GPR151: variants seen among roughly 807,000 people sequenced by gnomAD.
GPR151 encodes G protein-coupled receptor 151, also known as G-protein coupled receptor PGR7.
Under a neutral mutation model 18.2 loss-of-function variants are expected in GPR151, and 16 were observed. The ratio of observed to expected loss-of-function variants is 0.88; its 90% CI spans 0.60 to 1.34. GPR151 has a LOEUF of 1.34. Ranked by LOEUF, GPR151 falls within the 40% of genes most tolerant of loss-of-function variation. GPR151 has a pLI of 0.00. For synonymous variants in GPR151, 202 were observed against 191.2 expected (o/e 1.06, Z -0.47); for missense variants, 509 against 504.3 (o/e 1.01, Z -0.09).
In GPR151 at chr5:146,516,047, A is replaced by C. The variant is rs1554105639; in HGVS notation, c.67T>G (p.Phe23Val). ...TCAGAGGGCAGGTACCCTCCGGCAA[A>C]GTGGAGGTGAGCAAAGGACACATTC... ...SMNVSFAHLH[F>V]AGGYLPSDSQ... Residue 23 changes from phenylalanine to valine, a missense_variant, in exon 1 of 1, where the codon TTT (phenylalanine) becomes GTT (valine). Transcript: ENST00000311104. 1 of 1,614,056 alleles carries C rather than the reference A, an allele frequency of 6.2e-7. No individual in the cohort carries two copies. The highest frequency in any genetic ancestry group is 8.5e-7 in the Non-Finnish European group (1 of 1,180,012).
Position 146,515,782 on chromosome 5 carries a change from C to G in GPR151, c.332G>C (p.Cys111Ser), listed in dbSNP as rs142529792. 8 of 1,614,076 alleles carry G rather than the reference C, an allele frequency of 5.0e-6. No individual in the cohort carries two copies. The highest frequency in any genetic ancestry group is 2.7e-5 in the African/African-American group (2 of 74,928). ...GTGGATAAACCAGTCAGAGGACTTG[C>G]AGACAAACCAGCCTAGATCCCAAAC... is the stretch of plus-strand genomic sequence containing the variant. Reference protein sequence around the residue: ...KSVWDLGWFVCKSSDWFIHTC... With the variant: ...KSVWDLGWFVSKSSDWFIHTC... Residue 111 changes from cysteine (C) to serine (S), a missense_variant, in exon 1 of 1, where the codon TGC (cysteine) becomes TCC (serine). Cys to Ser is a moderately radical substitution (Grantham distance 112). Transcript: ENST00000311104.
Position 146,514,848 on chromosome 5 carries a change from T to G in GPR151, c.*6A>C. The G allele has an allele frequency of 2.6e-6, 4 of 1,554,928 alleles. No individual in the cohort carries two copies. Among genetic ancestry groups the G allele is most frequent in the Non-Finnish European group, 3.5e-6 (4 of 1,150,414 alleles). On this transcript the variant is annotated 3_prime_UTR_variant, in exon 1 of 1. Coordinates refer to ENST00000311104, the MANE Select transcript of GPR151 (RefSeq NM_194251.3). ...ATCACAGTTTGTTTTGCTTTGAAACTTAAATCTATTTAACACCTTCCCCTG... is the reference window on the plus strand; with the variant it reads ...ATCACAGTTTGTTTTGCTTTGAAACGTAAATCTATTTAACACCTTCCCCTG...
Position 146,515,259 on chromosome 5 carries a change from T to G in GPR151, c.855A>C (p.Gln285His). 1.9e-6 allele frequency: 3 copies of G among 1,614,190 alleles called. No homozygotes were observed. The highest frequency in any genetic ancestry group is 2.5e-6 in the Non-Finnish European group (3 of 1,180,030). Residue 285 changes from glutamine to histidine, a missense_variant, in exon 1 of 1, where the codon CAA becomes CAC. Gln to His is a conservative substitution (Grantham distance 24). Transcript: ENST00000311104. Reference sequence around the variant, plus strand: ...AGACTTGAGACAGGGCTATGAAACCTTGTGGTGGGGCCGGGCCTGCAGCCT... The same window carrying G: ...AGACTTGAGACAGGGCTATGAAACCGTGTGGTGGGGCCGGGCCTGCAGCCT... ...HLKAAGPAPP[Q>H]GFIALSQVLM...
In GPR151 at chr5:146,515,274, G is replaced by T. The variant is rs1489492668; in HGVS notation, c.840C>A (p.Gly280=). The stretch of plus-strand genomic sequence containing the variant: ...CTATGAAACCTTGTGGTGGGGCCGG[G>T]CCTGCAGCCTTCAGATGCCATACCC... The part of the protein sequence containing the change: ...WLWVWHLKAA[G]PAPPQGFIAL... Residue 280 remains glycine, a synonymous_variant, in exon 1 of 1, where the codon GGC becomes GGA. Coordinates refer to ENST00000311104, the MANE Select transcript of GPR151 (RefSeq NM_194251.3). 9 of 1,614,204 alleles carry T rather than the reference G, an allele frequency of 5.6e-6. No individual in the cohort carries two copies. The highest frequency in any genetic ancestry group is 7.6e-6 in the Non-Finnish European group (9 of 1,180,032).
chr5:146,515,765 A>C lies in GPR151; in HGVS notation c.349T>G (p.Phe117Val). Residue 117 changes from phenylalanine (F) to valine (V), a missense_variant, in exon 1 of 1, where the codon TTT becomes GTT. Physicochemically the swap from Phe to Val is conservative, Grantham distance 50. Transcript: ENST00000311104. ...TTGGCTGCCATGCATGTGTGGATAA[A>C]CCAGTCAGAGGACTTGCAGACAAAC... Reference protein sequence around the residue: ...GWFVCKSSDWFIHTCMAAKSL... With the variant: ...GWFVCKSSDWVIHTCMAAKSL... 2.5e-6 allele frequency: 4 copies of C among 1,614,188 alleles called. No homozygotes were observed. Among genetic ancestry groups the C allele is most frequent in the Non-Finnish European group, 3.4e-6 (4 of 1,180,024 alleles).
Position 146,516,038 on chromosome 5 carries a change from C to A in GPR151, c.76G>T (p.Gly26Trp). The A allele has an allele frequency of 1.9e-6, 3 of 1,614,084 alleles. No individual in the cohort carries two copies. The highest frequency in any genetic ancestry group is 2.5e-6 in the Non-Finnish European group (3 of 1,180,008). ...TCCTGGGAATCAGAGGGCAGGTACC[C>A]TCCGGCAAAGTGGAGGTGAGCAAAG... ...VSFAHLHFAG[G>W]YLPSDSQDWR... Residue 26 changes from glycine to tryptophan, a missense_variant, in exon 1 of 1, where the codon GGG (glycine) becomes TGG (tryptophan). Gly to Trp is a radical substitution (Grantham distance 184, BLOSUM62 -2). Coordinates refer to ENST00000311104, the MANE Select transcript of GPR151 (RefSeq NM_194251.3).
In GPR151 at chr5:146,516,045, A is replaced by C. The variant is rs144066680; in HGVS notation, c.69T>G (p.Phe23Leu). ...AATCAGAGGGCAGGTACCCTCCGGC[A>C]AAGTGGAGGTGAGCAAAGGACACAT... ...SMNVSFAHLH[F>L]AGGYLPSDSQ... Residue 23 changes from phenylalanine to leucine, a missense_variant, in exon 1 of 1, where the codon TTT (phenylalanine) becomes TTG (leucine). Coordinates refer to ENST00000311104, the MANE Select transcript of GPR151 (RefSeq NM_194251.3). The C allele has an allele frequency of 6.9e-4, 1,120 of 1,614,088 alleles. 13 individuals carry two copies. The Middle Eastern group carries it at 0.021, about 31-fold the overall frequency.
chr5:146,514,188 G>C lies in GPR151; in HGVS notation c.*666C>G, dbSNP rs1382070127. ...AGCTTTAAAAAGTTCACTGAAGCAG[G>C]CTTTAGTTTAAGTTTGAATTTATTT... On this transcript the variant is annotated 3_prime_UTR_variant, in exon 1 of 1. Coordinates refer to ENST00000311104, the MANE Select transcript of GPR151 (RefSeq NM_194251.3). The C allele has an allele frequency of 6.6e-6, 1 of 152,158 alleles. No individual in the cohort carries two copies. Among genetic ancestry groups the C allele is most frequent in the Non-Finnish European group, 1.5e-5 (1 of 68,042 alleles). The allele number at this position is 152,158 out of a possible 1,614,324, so 9.4% of individuals were successfully genotyped here.
At position 146,513,791 on chromosome 5, in the gene GPR151, TATTA is replaced by T. The variant is rs1043279567; in HGVS notation, c.*1059_*1062del. On this transcript the variant is annotated 3_prime_UTR_variant, in exon 1 of 1. Transcript: ENST00000311104. ...GGTTTGTTGAATTTTCTCTTTTTGATATTAATCTCTTTCTCAGGTTGCTAGATTA... is the reference window on the plus strand; with the variant it reads ...GGTTTGTTGAATTTTCTCTTTTTGATATCTCTTTCTCAGGTTGCTAGATTA... The T allele has an allele frequency of 6.6e-6, 1 of 152,228 alleles. No homozygotes were observed. Among genetic ancestry groups the T allele is most frequent in the Admixed American group, 6.5e-5 (1 of 15,280 alleles). The allele number at this position is 152,228 out of a possible 1,614,324, so 9.4% of individuals were successfully genotyped here.
In GPR151 at chr5:146,516,125, G is replaced by A; in HGVS notation, c.-12C>T. 6.3e-7 allele frequency: 1 copy of A among 1,590,210 alleles called. No individual in the cohort carries two copies. The highest frequency in any genetic ancestry group is 1.4e-5 in the African/African-American group (1 of 73,806). ...GCAGCTGCCAGCATCACTCTTCACAGCTTCTTACAGAAGTTAGATTCTTAT... is the reference window on the plus strand; with the variant it reads ...GCAGCTGCCAGCATCACTCTTCACAACTTCTTACAGAAGTTAGATTCTTAT... On this transcript the variant is annotated 5_prime_UTR_variant, in exon 1 of 1. Transcript: ENST00000311104.
Position 146,513,421 on chromosome 5 carries a change from A to G in GPR151, c.*1433T>C, listed in dbSNP as rs1359622882. On this transcript the variant is annotated 3_prime_UTR_variant, in exon 1 of 1. Transcript: ENST00000311104. ...GAAAAAGCAAAGAATCCGGAAACCC[A>G]TAGACAAAAAGCAAAATCTTTTTTT... The G allele has an allele frequency of 5.3e-5, 8 of 152,228 alleles. No homozygotes were observed. The highest frequency in any genetic ancestry group is 1.2e-4 in the Non-Finnish European group (8 of 68,034). 9.4% of individuals were successfully genotyped at this position (152,228 alleles called of 1,614,324 possible). A position where few individuals can be genotyped will look rare whatever the true frequency, so the allele number is the denominator to read the frequency against.
chr5:146,514,652 C>A lies in GPR151; in HGVS notation c.*202G>T. On this transcript the variant is annotated 3_prime_UTR_variant, in exon 1 of 1. Coordinates refer to ENST00000311104, the MANE Select transcript of GPR151 (RefSeq NM_194251.3). ...CACAACACTTAAATTGTTTGGGAAG[C>A]CAAGTTCTAATTCTGAAACAATTAT... The A allele has an allele frequency of 2.0e-6, 1 of 508,878 alleles. No individual in the cohort carries two copies. The allele number at this position is 508,878 out of a possible 1,614,324, so 31.5% of individuals were successfully genotyped here. A position where few individuals can be genotyped will look rare whatever the true frequency, so the allele number is the denominator to read the frequency against.
In GPR151 at chr5:146,514,776, T is replaced by G. The variant is rs1411666732; in HGVS notation, c.*78A>C. On this transcript the variant is annotated 3_prime_UTR_variant, in exon 1 of 1. Coordinates refer to ENST00000311104, the MANE Select transcript of GPR151 (RefSeq NM_194251.3). ...CCTAATGGTAATAATTATATCAGTT[T>G]GTAAAGTCAGCAATATTGATAAGCA... 3.2e-6 allele frequency: 3 copies of G among 923,334 alleles called. No individual in the cohort carries two copies. In the African/African-American group the frequency reaches 5.0e-5, roughly 15 times the overall value. The allele number at this position is 923,334 out of a possible 1,614,324, so 57.2% of individuals were successfully genotyped here.
chr5:146,516,123 C>T lies in GPR151; in HGVS notation c.-10G>A, dbSNP rs1768617952. ...AGGCAGCTGCCAGCATCACTCTTCA[C>T]AGCTTCTTACAGAAGTTAGATTCTT... On this transcript the variant is annotated 5_prime_UTR_variant, in exon 1 of 1. The change creates a new upstream start codon in the 5' untranslated region. Coordinates refer to ENST00000311104, the MANE Select transcript of GPR151 (RefSeq NM_194251.3). The T allele has an allele frequency of 1.9e-6, 3 of 1,590,386 alleles. No individual in the cohort carries two copies. The highest frequency in any genetic ancestry group is 2.6e-6 in the Non-Finnish European group (3 of 1,169,918).
rs1256802455 is a variant in GPR151, at chr5:146,514,842, T to G, written c.*12A>C. The G allele has an allele frequency of 3.2e-6, 5 of 1,544,820 alleles. No individual in the cohort carries two copies. Among genetic ancestry groups the G allele is most frequent in the African/African-American group, 1.4e-5 (1 of 72,320 alleles). On this transcript the variant is annotated 3_prime_UTR_variant, in exon 1 of 1. Transcript: ENST00000311104. Reference sequence around the variant, plus strand: ...ACAATAATCACAGTTTGTTTTGCTTTGAAACTTAAATCTATTTAACACCTT... The same window carrying G: ...ACAATAATCACAGTTTGTTTTGCTTGGAAACTTAAATCTATTTAACACCTT...
rs781718848 is a variant in GPR151 at position 146,515,114 on chromosome 5, C to CT, written c.999dup (p.Glu334ArgfsTer15). On this transcript the variant is annotated frameshift_variant, in exon 1 of 1. Coordinates refer to ENST00000311104, the MANE Select transcript of GPR151 (RefSeq NM_194251.3). LOFTEE classifies it low-confidence loss of function (END_TRUNC). Reference sequence around the variant, plus strand: ...TTGCCAGCTGGTGTTTCCTGAGACTCTGAGACAGTTGGAGGTTTTTTGGTT... The same window carrying CT: ...TTGCCAGCTGGTGTTTCCTGAGACTCTTGAGACAGTTGGAGGTTTTTTGGTT... 6.2e-7 allele frequency: 1 copy of CT among 1,614,172 alleles called. No individual in the cohort carries two copies. The highest frequency in any genetic ancestry group is 1.3e-5 in the African/African-American group (1 of 75,050).
rs763448298 is a variant in GPR151, at chr5:146,515,123, T to C, written c.991A>G (p.Thr331Ala). The C allele has an allele frequency of 5.0e-6, 8 of 1,614,016 alleles. No individual in the cohort carries two copies. The highest frequency in any genetic ancestry group is 1.1e-5 in the South Asian group (1 of 91,076). The change falls in exon 1 of 1, where the codon ACT becomes GCT. Residue 331 changes from threonine (T) to alanine (A), a missense_variant. By Grantham distance (58) the Thr-to-Ala change is moderately conservative. Transcript: ENST00000311104. ...GGTGTTTCCTGAGACTCTGAGACAG[T>C]TGGAGGTTTTTTGGTTATCATCCAT... ...WKWMITKKPP[T>A]VSESQETPAG...
In GPR151 at chr5:146,513,286, T is replaced by C. The variant is rs1768544681; in HGVS notation, c.*1568A>G. 1 of 152,238 alleles carries C rather than the reference T, an allele frequency of 6.6e-6. No homozygotes were observed. The highest frequency in any genetic ancestry group is 2.4e-5 in the African/African-American group (1 of 41,470). The allele number at this position is 152,238 out of a possible 1,614,324, so 9.4% of individuals were successfully genotyped here. On this transcript the variant is annotated 3_prime_UTR_variant, in exon 1 of 1. Transcript: ENST00000311104. ...AAGACAATATTTTGGATTCTTGGGT[T>C]AAATTTTACTTTATTTGAATACATG...
rs144455653 is a variant in GPR151 at position 146,515,232 on chromosome 5, C to G, written c.882G>C (p.Leu294Phe). The change falls in exon 1 of 1, where the codon TTG becomes TTC. Residue 294 changes from leucine to phenylalanine, a missense_variant. Transcript: ENST00000311104. Reference protein sequence around the residue: ...PQGFIALSQVLMFSISSANPL... With the variant: ...PQGFIALSQVFMFSISSANPL... Reference sequence around the variant, plus strand: ...GATTTGCTGAAGAGATGGAAAACATCAAGACTTGAGACAGGGCTATGAAAC... The same window carrying G: ...GATTTGCTGAAGAGATGGAAAACATGAAGACTTGAGACAGGGCTATGAAAC... 3.1e-6 allele frequency: 5 copies of G among 1,613,982 alleles called. No homozygotes were observed. In the African/African-American group the frequency reaches 4.0e-5, roughly 13 times the overall value.
Sources: gnomAD v4.1 joint callset for allele counts on GRCh38, gnomAD v4.1.1 for gene constraint, MANE v1.5 for transcripts, NCBI Gene and HGNC (gene_info 2026-07-23, HGNC 2026-07-21) for gene names.